The following PSMA8 variants were observed in gnomAD, a reference collection of about 807,000 sequenced individuals.
PSMA8 encodes the protein proteasome subunit alpha-type 8.
Under a neutral mutation model 32.4 loss-of-function variants are expected in PSMA8, and 18 were observed. The observed-to-expected ratio is 0.56, with a 90% CI of 0.38 to 0.82. PSMA8 has a LOEUF of 0.82. Ranked by LOEUF, PSMA8 falls within the 40% of genes least tolerant of loss-of-function variation. PSMA8 has a pLI of 0.00. For missense variants in PSMA8, 298 were observed against 300.7 expected (o/e 0.99, Z 0.07); for synonymous variants, 104 against 98.1 (o/e 1.06, Z -0.36).
At chr18:26,137,158 C>T (rs1486532050) in intron 1 of PSMA8, among the ~76,000 whole-genome samples, 1 of 152,116 alleles carries the variant, frequency 6.6e-6, no homozygotes, top group Non-Finnish European at 1.5e-5. Flanking sequence ...GTAAAAGAGG[C>T]ATCAAAATAG....
chr18:26,146,295 G>A (rs748902495), intron 2 of PSMA8, among the ~76,000 whole-genome samples: 13 of 151,582 alleles, frequency 8.6e-5, no homozygotes, highest in Non-Finnish European at 1.5e-4. Flanking sequence ...TCAGGAGGTC[G>A]AGGCAGGAGA....
rs1568052905 is a variant in PSMA8, at chr18:26,139,939, T to C, written c.103-4620T>C. The C allele has an allele frequency of 3.5e-5, 22 of 628,808 alleles. 1 individual carries two copies. The highest frequency in any genetic ancestry group is 4.0e-5 in the Non-Finnish European group (14 of 351,644). 39.0% of individuals were successfully genotyped at this position (628,808 alleles called of 1,614,324 possible). A position where few individuals can be genotyped will look rare whatever the true frequency, so the allele number is the denominator to read the frequency against. ...TAGTGTTTTCCTGATCTCGCTTGTT[T>C]ATCTCTGTACTCTTGTAGCTTACTG... On this transcript the variant is annotated intron_variant, in intron 1 of 6. Transcript: ENST00000415576.
intron 6 of PSMA8, among the ~76,000 whole-genome samples, chr18:26,190,397 T>A: frequency 6.6e-6 from 1 of 152,216 alleles, no homozygotes; most frequent in Admixed American, 6.5e-5. Context: ...ATATCTCATG[T>A]ACCCCATAAT....
chr18:26,145,848 A>G (rs1305455693), intron 2 of PSMA8, among the ~76,000 whole-genome samples: 1 of 152,216 alleles, frequency 6.6e-6, no homozygotes, highest in Non-Finnish European at 1.5e-5. Context: ...GAGTGAAAGT[A>G]GGATTTCATT....
At chr18:26,153,521 A>G (rs2055062777) in intron 3 of PSMA8, among the ~76,000 whole-genome samples, 1 of 152,216 alleles carries the variant, frequency 6.6e-6, no homozygotes, top group Non-Finnish European at 1.5e-5. Flanking sequence ...TTATTTTGCA[A>G]ATAAGTATCA....
At chr18:26,181,771 A>C (rs1254774249) in intron 6 of PSMA8, among the ~76,000 whole-genome samples, 2 of 151,878 alleles carry the variant, frequency 1.3e-5, no homozygotes, top group Non-Finnish European at 2.9e-5. Context: ...TAAAAATACA[A>C]AATTTAGCCA....
At chr18:26,154,776 C>G (rs1010968978) in intron 3 of PSMA8, among the ~76,000 whole-genome samples, 1 of 152,104 alleles carries the variant, frequency 6.6e-6, no homozygotes, top group Non-Finnish European at 1.5e-5. Flanking sequence ...GCCACTACGC[C>G]CAGCTAATTT....
chr18:26,180,620 C>A (rs995479381), intron 6 of PSMA8, among the ~76,000 whole-genome samples: 6 of 151,956 alleles, frequency 3.9e-5, no homozygotes, highest in African/African-American at 1.2e-4. Flanking sequence ...TGCAGCAACA[C>A]CACAAGGGCA....
intron 4 of PSMA8, among the ~76,000 whole-genome samples, chr18:26,175,491 C>T (rs112581673): frequency 0.019 from 2,867 of 152,258 alleles, 93 homozygotes; most frequent in African/African-American, 0.065. Flanking sequence ...TGATACTCTT[C>T]GTCACTGAGT....
intron 4 of PSMA8, among the ~76,000 whole-genome samples, chr18:26,165,167 C>T (rs749708507): frequency 3.3e-5 from 5 of 152,086 alleles, no homozygotes; most frequent in African/African-American, 4.8e-5. Context: ...CCTCAGCTTC[C>T]GAAAGTGCTG....
At chr18:26,150,211 T>G (rs1290523842) in intron 2 of PSMA8, among the ~76,000 whole-genome samples, 1 of 152,234 alleles carries the variant, frequency 6.6e-6, no homozygotes, top group Non-Finnish European at 1.5e-5. Flanking sequence ...CATTTTCAGA[T>G]GAGCGATGAG....
chr18:26,143,368 T>A (rs972921157), intron 1 of PSMA8, among the ~76,000 whole-genome samples: 6 of 152,138 alleles, frequency 3.9e-5, no homozygotes, highest in African/African-American at 1.4e-4. Context: ...TGGAATGGCA[T>A]CCTGTCCATG....
At chr18:26,135,059 T>C (rs1302381600) in intron 1 of PSMA8, among the ~76,000 whole-genome samples, 1 of 152,144 alleles carries the variant, frequency 6.6e-6, no homozygotes, top group Non-Finnish European at 1.5e-5. Context: ...AAAATAATGC[T>C]GGAAGTTCCT....
At chr18:26,136,508 G>A (rs756689563) in intron 1 of PSMA8, among the ~76,000 whole-genome samples, 3 of 152,160 alleles carry the variant, frequency 2.0e-5, no homozygotes, top group Non-Finnish European at 2.9e-5. Context: ...AAAGGGGAGA[G>A]AGGAAAGGGG....
intron 6 of PSMA8, among the ~76,000 whole-genome samples, chr18:26,192,051 T>C (rs530159480): frequency 6.6e-6 from 1 of 152,330 alleles, no homozygotes; most frequent in East Asian, 1.9e-4. Context: ...TGGAGTTATA[T>C]GCACATATAG....
intron 4 of PSMA8, among the ~76,000 whole-genome samples, chr18:26,168,225 T>G (rs1190751752): frequency 7.9e-6 from 1 of 126,274 alleles, no homozygotes. Context: ...GTTTTTTTCC[T>G]CACATAACTT....
intron 2 of PSMA8, among the ~76,000 whole-genome samples, chr18:26,151,578 T>C (rs1598648547): frequency 6.6e-6 from 1 of 152,350 alleles, no homozygotes; most frequent in South Asian, 2.1e-4. Flanking sequence ...AGTAATATTA[T>C]TGTTTTCATA....
Position 26,158,106 on chromosome 18 carries a change from C to T in PSMA8, c.355-16C>T, listed in dbSNP as rs141558229. 50 of 1,526,404 alleles carry T rather than the reference C, an allele frequency of 3.3e-5. No individual in the cohort carries two copies. The highest frequency in any genetic ancestry group is 1.7e-4 in the Middle Eastern group (1 of 5,794). The allele number at this position is 1,526,404 out of a possible 1,614,324, so 94.6% of individuals were successfully genotyped here. On this transcript the variant is annotated splice_polypyrimidine_tract_variant and intron_variant, in intron 3 of 6. Transcript: ENST00000415576. ...AACTAATAGTTTTATTCTAAAAATA[C>T]GTTTTATTTTTCTAGAAATATACCC...
At chr18:26,174,517 C>G (rs917091809) in intron 4 of PSMA8, among the ~76,000 whole-genome samples, 9 of 152,150 alleles carry the variant, frequency 5.9e-5, no homozygotes, top group Admixed American at 4.6e-4. Context: ...TTGATGAAAA[C>G]TGGCATCTAA....
Sources: allele counts gnomAD v4.1 joint callset (sites outside exome capture counted in the v4.1 genomes callset), GRCh38; gene constraint gnomAD v4.1.1; transcripts MANE v1.5; gene names NCBI Gene and HGNC (gene_info 2026-07-23, HGNC 2026-07-21).